Variants in KCNMB2 observed in about 807,000 individuals in gnomAD.
KCNMB2 encodes calcium-activated potassium channel subunit beta-2.
In KCNMB2, 9 loss-of-function variants were observed where a neutral mutation model predicts 24.5. The observed-to-expected ratio is 0.37, with a 90% CI of 0.22 to 0.64. The LOEUF (loss-of-function observed/expected upper bound fraction) is 0.64, where lower values mean the gene tolerates loss of function less well. KCNMB2 is among the 30% of genes least tolerant of loss of function. The pLI, the probability that KCNMB2 is intolerant of heterozygous loss-of-function variation, is 0.63. For synonymous variants in KCNMB2, 109 were observed against 104.4 expected (o/e 1.04, Z -0.27); for missense variants, 226 against 284.3 (o/e 0.79, Z 1.47).
chr3:178,552,316 C>T (rs1715982814), intron 1 of KCNMB2, among the ~76,000 whole-genome samples: 1 of 152,056 alleles, frequency 6.6e-6, no homozygotes. Context: ...AACAGATTTC[C>T]TATTCTTTTC....
chr3:178,800,781 T>C (rs80293968), intron 1 of KCNMB2, among the ~76,000 whole-genome samples: 1 of 152,110 alleles, frequency 6.6e-6, no homozygotes, highest in Non-Finnish European at 1.5e-5. Context: ...AACTTAAGTG[T>C]CCATCAACAG....
intron 1 of KCNMB2, among the ~76,000 whole-genome samples, chr3:178,674,952 C>A (rs534757950): frequency 1.3e-5 from 2 of 152,322 alleles, no homozygotes; most frequent in South Asian, 4.1e-4. Flanking sequence ...AAATTCTCAG[C>A]AAGACTTTCT....
chr3:178,720,637 C>T (rs1185913205), intron 1 of KCNMB2, among the ~76,000 whole-genome samples: 2 of 128,060 alleles, frequency 1.6e-5, no homozygotes, highest in African/African-American at 6.4e-5. Flanking sequence ...TCCTCTCCAG[C>T]ACCTGTTGTT....
chr3:178,571,815 A>G (rs1200183228), intron 1 of KCNMB2, among the ~76,000 whole-genome samples: 1 of 152,038 alleles, frequency 6.6e-6, no homozygotes, highest in Non-Finnish European at 1.5e-5. Context: ...TAGTTTGCTG[A>G]GAATGATGGT....
chr3:178,545,771 T>C (rs1007115908), intron 1 of KCNMB2, among the ~76,000 whole-genome samples: 1 of 152,208 alleles, frequency 6.6e-6, no homozygotes, highest in African/African-American at 2.4e-5. Context: ...CTGGATTGTT[T>C]GTTTGTTTCC....
intron 1 of KCNMB2, among the ~76,000 whole-genome samples, chr3:178,676,368 G>A (rs1477331038): frequency 6.6e-6 from 1 of 152,162 alleles, no homozygotes. Context: ...ACAGACATGT[G>A]GAGATACTGA....
chr3:178,807,534 A>G (rs1714021492), intron 2 of KCNMB2, 69 bp downstream of exon 2: 1 of 1,336,186 alleles, frequency 7.5e-7, no homozygotes, highest in Non-Finnish European at 1.1e-6. Flanking sequence ...GGATACTGAC[A>G]GGAAAGTAGT....
chr3:178,576,432 G>A (rs1204681554), intron 1 of KCNMB2, among the ~76,000 whole-genome samples: 2 of 152,130 alleles, frequency 1.3e-5, no homozygotes, highest in South Asian at 2.1e-4. Flanking sequence ...GGCAGACACC[G>A]AGCAAGCTGC....
intron 2 of KCNMB2, among the ~76,000 whole-genome samples, chr3:178,810,667 T>A (rs544470346): frequency 6.6e-6 from 1 of 152,308 alleles, no homozygotes; most frequent in South Asian, 2.1e-4. Flanking sequence ...AACCCAGCAA[T>A]GTGGAGAAAT....
intron 1 of KCNMB2, among the ~76,000 whole-genome samples, chr3:178,694,651 A>G (rs901129195): frequency 6.6e-6 from 1 of 152,246 alleles, no homozygotes; most frequent in African/African-American, 2.4e-5. Flanking sequence ...CTGAAATCCA[A>G]TAAGGTAATT....
intron 1 of KCNMB2, among the ~76,000 whole-genome samples, chr3:178,760,316 A>G (rs1472750665): frequency 8.2e-6 from 1 of 121,734 alleles, no homozygotes; most frequent in Non-Finnish European, 1.7e-5. Context: ...ATATCTATAT[A>G]TAGATATATA....
chr3:178,668,395 G>GT (rs1720791569), intron 1 of KCNMB2, among the ~76,000 whole-genome samples: 1 of 152,226 alleles, frequency 6.6e-6, no homozygotes, highest in South Asian at 2.1e-4. Context: ...TGGGTGGAGT[G>GT]TAAGAGCTTT....
intron 1 of KCNMB2, among the ~76,000 whole-genome samples, chr3:178,568,344 G>A (rs1176902785): frequency 6.6e-6 from 1 of 152,152 alleles, no homozygotes. Context: ...CTACACCACT[G>A]TGAGTGTAAC....
intron 1 of KCNMB2, among the ~76,000 whole-genome samples, chr3:178,797,950 G>A (rs1312194068): frequency 6.6e-6 from 1 of 151,814 alleles, no homozygotes; most frequent in Non-Finnish European, 1.5e-5. Context: ...TGTTGTTGGT[G>A]TACAGAAATG....
intron 1 of KCNMB2, among the ~76,000 whole-genome samples, chr3:178,543,637 G>C (rs1481133930): frequency 6.6e-6 from 1 of 152,088 alleles, no homozygotes; most frequent in Non-Finnish European, 1.5e-5. Flanking sequence ...CCTTTTCTTT[G>C]GTCAATTCTG....
chr3:178,540,178 T>C (rs1304129822), intron 1 of KCNMB2, among the ~76,000 whole-genome samples: 1 of 152,224 alleles, frequency 6.6e-6, no homozygotes, highest in Non-Finnish European at 1.5e-5. Context: ...AAGAAAAACC[T>C]TGGAGTCCTC....
chr3:178,842,539 A>C (rs939709563), intron 4 of KCNMB2, 114 bp from the exon 5 acceptor site: 1 of 702,194 alleles, frequency 1.4e-6, no homozygotes, highest in Non-Finnish European at 2.4e-6. Context: ...TATGAAAAGA[A>C]TAACCACCAT....
intron 1 of KCNMB2, among the ~76,000 whole-genome samples, chr3:178,576,701 C>T (rs1187889162): frequency 6.6e-6 from 1 of 152,168 alleles, no homozygotes; most frequent in African/African-American, 2.4e-5. Context: ...GCAATTTTCC[C>T]CTCACAGTGT....
intron 1 of KCNMB2, among the ~76,000 whole-genome samples, chr3:178,661,028 C>A (rs6801119): frequency 1.3e-4 from 20 of 151,608 alleles, no homozygotes; most frequent in African/African-American, 4.8e-4. Context: ...GGGATACATG[C>A]GCAGAACGTG....
Sources: gnomAD v4.1 joint callset for allele counts (sites outside exome capture counted in the v4.1 genomes callset) on GRCh38, gnomAD v4.1.1 for gene constraint, MANE v1.5 for transcripts, NCBI Gene and HGNC (gene_info 2026-07-23, HGNC 2026-07-21) for gene names.